Variants in APMAP observed in about 807,000 individuals in gnomAD.
APMAP encodes the protein adipocyte plasma membrane associated protein.
A neutral mutation model predicts 43.6 loss-of-function variants in APMAP; 33 were observed. That is an observed-to-expected ratio of 0.76 (90% CI 0.57 to 1.01). APMAP has a LOEUF of 1.01. APMAP is among the 50% of genes least tolerant of loss of function. The pLI, the probability that APMAP is intolerant of heterozygous loss-of-function variation, is 0.00. For synonymous variants in APMAP, 224 were observed against 216.7 expected (o/e 1.03, Z -0.30); for missense variants, 498 against 540.7 (o/e 0.92, Z 0.78).
chr20:24,963,902 T>G lies in APMAP; in HGVS notation c.1162A>C (p.Ile388Leu), dbSNP rs748875666. The change falls in exon 9 of 9, where the codon ATC (isoleucine) becomes CTC (leucine). Residue 388 changes from isoleucine to leucine, a missense_variant. By Grantham distance (5) the Ile-to-Leu change is conservative. Coordinates refer to ENST00000217456, the MANE Select transcript of APMAP (RefSeq NM_020531.3). The part of the protein sequence containing the change: ...HDPDGLVATY[I>L]SEVHEHDGHL... Reference sequence around the variant, plus strand: ...CCATCGTGTTCGTGCACCTCGCTGATGTAGGTGGCCACCAGCCCATCGGGA... The same window carrying G: ...CCATCGTGTTCGTGCACCTCGCTGAGGTAGGTGGCCACCAGCCCATCGGGA... 7 of 1,614,214 alleles carry G rather than the reference T, an allele frequency of 4.3e-6. No homozygotes were observed. Among genetic ancestry groups the G allele is most frequent in the Non-Finnish European group, 5.9e-6 (7 of 1,180,046 alleles).
Position 24,980,632 on chromosome 20 carries a change from G to T in APMAP, c.213-1750C>A, listed in dbSNP as rs146938728. On this transcript the variant is annotated intron_variant, in intron 2 of 8. Coordinates refer to ENST00000217456, the MANE Select transcript of APMAP (RefSeq NM_020531.3). ...GGCAGTGCAGGGCCACCACAGTCAA[G>T]AGGCCATGCTACCATGACAAAAGCA... Among the ~76,000 whole-genome samples the T allele has an allele frequency of 1.1e-4, 16 of 151,874 alleles. No individual in the cohort carries two copies. The East Asian group carries it at 2.7e-3, about 26-fold the overall frequency.
chr20:24,971,421 T>C, intron 5 of APMAP, 39 bp downstream of exon 5: 1 of 1,558,308 alleles, frequency 6.4e-7, no homozygotes, highest in Non-Finnish European at 8.8e-7. Context: ...TTAAAAGATC[T>C]AAAATCTTCA....
intron 3 of APMAP, among the ~76,000 whole-genome samples, chr20:24,975,633 A>C (rs2088044428): frequency 6.6e-6 from 1 of 152,238 alleles, no homozygotes; most frequent in Non-Finnish European, 1.5e-5. Flanking sequence ...AATCCCAATC[A>C]AAATCCCAGC....
At chr20:24,991,899 C>T (rs1163516959) in intron 1 of APMAP, among the ~76,000 whole-genome samples, 1 of 152,170 alleles carries the variant, frequency 6.6e-6, no homozygotes, top group African/African-American at 2.4e-5. Flanking sequence ...AAGGGCAAAA[C>T]CTGATATTTC....
chr20:24,992,040 A>G (rs2088196817), intron 1 of APMAP, among the ~76,000 whole-genome samples: 1 of 152,190 alleles, frequency 6.6e-6, no homozygotes, highest in African/African-American at 2.4e-5. Flanking sequence ...CGCGGTGAGG[A>G]CTGGTCACGC....
chr20:24,971,372 G>T, intron 5 of APMAP, 88 bp downstream of exon 5: 1 of 1,168,550 alleles, frequency 8.6e-7, no homozygotes, highest in Non-Finnish European at 1.2e-6. Flanking sequence ...GTAGACTGTT[G>T]CTAACAAATC....
intron 1 of APMAP, among the ~76,000 whole-genome samples, chr20:24,985,066 G>A (rs1397135988): frequency 1.3e-5 from 2 of 152,134 alleles, no homozygotes; most frequent in African/African-American, 2.4e-5. Context: ...CCATTTAGAC[G>A]TGTTAAACTC....
chr20:24,970,374 G>A lies in APMAP; in HGVS notation c.539-3C>T, dbSNP rs2087988580. On this transcript the variant is annotated splice_polypyrimidine_tract_variant and splice_region_variant and intron_variant, in intron 5 of 8. Transcript: ENST00000217456. Reference sequence around the variant, plus strand: ...GGACAGCAGCAGTTTCACTTCACCTGAAGTTTAAAAAGAAAGAAAAAGATT... The same window carrying A: ...GGACAGCAGCAGTTTCACTTCACCTAAAGTTTAAAAAGAAAGAAAAAGATT... 1 of 1,598,280 alleles carries A rather than the reference G, an allele frequency of 6.3e-7. No homozygotes were observed. The highest frequency in any genetic ancestry group is 8.5e-7 in the Non-Finnish European group (1 of 1,171,588).
intron 2 of APMAP, among the ~76,000 whole-genome samples, chr20:24,979,711 T>C (rs2088084428): frequency 6.6e-6 from 1 of 152,132 alleles, no homozygotes; most frequent in Non-Finnish European, 1.5e-5. Flanking sequence ...GACCTTCCTC[T>C]ATTCAGAGCC....
intron 8 of APMAP, among the ~76,000 whole-genome samples, chr20:24,968,465 G>C (rs1212234804): frequency 6.6e-6 from 1 of 152,200 alleles, no homozygotes; most frequent in Non-Finnish European, 1.5e-5. Context: ...AGGGAGGGGA[G>C]GAAAGGGCAC....
chr20:24,980,347 A>G (rs1252603991), intron 2 of APMAP, among the ~76,000 whole-genome samples: 1 of 152,250 alleles, frequency 6.6e-6, no homozygotes, highest in Non-Finnish European at 1.5e-5. Context: ...CTCTCTTCAC[A>G]GCAAAAGAGG....
At position 24,963,612 on chromosome 20, in the gene APMAP, C is replaced by T. The variant is rs183147041; in HGVS notation, c.*201G>A. 4 of 595,944 alleles carry T rather than the reference C, an allele frequency of 6.7e-6. No homozygotes were observed. The East Asian group carries it at 8.4e-5, about 13-fold the overall frequency. The allele number at this position is 595,944 out of a possible 1,614,324, so 36.9% of individuals were successfully genotyped here. A position where few individuals can be genotyped will look rare whatever the true frequency, so the allele number is the denominator to read the frequency against. On this transcript the variant is annotated 3_prime_UTR_variant, in exon 9 of 9. Coordinates refer to ENST00000217456, the MANE Select transcript of APMAP (RefSeq NM_020531.3). ...TCCTCATGGCAGATATGTTACACTT[C>T]CCTCTAAACAGAAAGACAAGCCCAG... is the stretch of plus-strand genomic sequence containing the variant.
At chr20:24,984,164 A>C in intron 1 of APMAP, 145 bp from the exon 2 acceptor site, 1 of 578,646 alleles carries the variant, frequency 1.7e-6, no homozygotes, top group Non-Finnish European at 3.1e-6. Context: ...TTGTGATTAA[A>C]CTCTAGCACT....
chr20:24,982,533 G>A (rs2088113743), intron 2 of APMAP, among the ~76,000 whole-genome samples: 1 of 152,134 alleles, frequency 6.6e-6, no homozygotes, highest in African/African-American at 2.4e-5. Flanking sequence ...ATTTCCCAAT[G>A]CATTTCTTCA....
Position 24,992,578 on chromosome 20 carries a change from TG to T in APMAP, c.95+15del. The T allele has an allele frequency of 6.6e-7, 1 of 1,518,456 alleles. No individual in the cohort carries two copies. The highest frequency in any genetic ancestry group is 8.9e-7 in the Non-Finnish European group (1 of 1,127,648). The allele number at this position is 1,518,456 out of a possible 1,614,324, so 94.1% of individuals were successfully genotyped here. On this transcript the variant is annotated intron_variant, in intron 1 of 8. Transcript: ENST00000217456. ...AGCGGCCCGGCTCCAGCGCCCAGTC[TG>T]GGAGTCCGCCCTACCTGCCGTCCTT...
intron 1 of APMAP, among the ~76,000 whole-genome samples, chr20:24,988,512 G>A (rs1230934806): frequency 3.9e-5 from 6 of 152,164 alleles, no homozygotes; most frequent in African/African-American, 7.2e-5. Context: ...CCAATGCTGC[G>A]GGATCTACCA....
intron 2 of APMAP, among the ~76,000 whole-genome samples, chr20:24,981,640 G>T (rs1003547990): frequency 6.6e-6 from 1 of 152,154 alleles, no homozygotes; most frequent in African/African-American, 2.4e-5. Flanking sequence ...CAGTTTGACA[G>T]TTTCACCCGA....
At chr20:24,969,453 T>C (rs2087978445) in intron 7 of APMAP, 73 bp downstream of exon 7, 2 of 1,530,952 alleles carry the variant, frequency 1.3e-6, no homozygotes, top group Admixed American at 4.0e-5. Flanking sequence ...TCGATCCCAT[T>C]TCCATGCCCA....
At chr20:24,974,405 CAAAA>C (rs927659898) in intron 3 of APMAP, 5 of 151,812 alleles carry the variant, frequency 3.3e-5, no homozygotes, top group Non-Finnish European at 7.4e-5. Context: ...CTACAAAAGA[CAAAA>C]AGAGAGTAGA....
Sources: allele counts gnomAD v4.1 joint callset (sites outside exome capture counted in the v4.1 genomes callset), GRCh38; gene constraint gnomAD v4.1.1; transcripts MANE v1.5; gene names NCBI Gene and HGNC (gene_info 2026-07-23, HGNC 2026-07-21).